Variants in PLCXD3 observed in about 807,000 individuals in gnomAD.
The protein encoded by PLCXD3 is phosphatidylinositol specific phospholipase C X domain containing 3, also known as PI-PLC X domain-containing protein 3.
In PLCXD3, 19 loss-of-function variants were observed where a neutral mutation model predicts 25.5. The ratio of observed to expected loss-of-function variants is 0.75; its 90% CI spans 0.52 to 1.09. PLCXD3 has a LOEUF of 1.09. Among genes scored for constraint, PLCXD3 ranks in the 50% least tolerant of loss-of-function variants. The pLI is 0.00. For missense variants in PLCXD3, 411 were observed against 388.1 expected, an observed-to-expected ratio of 1.06 and a Z score of -0.50; for synonymous variants, 174 against 137.6, an observed-to-expected ratio of 1.26 and a Z score of -1.85.
Position 41,382,120 on chromosome 5 carries a change from G to A in PLCXD3, c.518C>T (p.Ala173Val), listed in dbSNP as rs747906820. The A allele has an allele frequency of 3.1e-6, 5 of 1,613,646 alleles. No individual in the cohort carries two copies. The highest frequency in any genetic ancestry group is 1.3e-5 in the African/African-American group (1 of 74,960). The change falls in exon 2 of 3, where the codon GCG (alanine) becomes GTG (valine). Residue 173 changes from alanine to valine, a missense_variant. Physicochemically the swap from Ala to Val is moderately conservative, Grantham distance 64. Coordinates refer to ENST00000377801, the MANE Select transcript of PLCXD3 (RefSeq NM_001005473.3). ...KDIYGNKMCP[A>V]IFAQEVSLKY... ...TAAACTAACTTCCTGGGCAAAAATC[G>A]CTGGGCACATTTTATTTCCATAGAT...
At chr5:41,460,602 G>A (rs928304740) in intron 1 of PLCXD3, among the ~76,000 whole-genome samples, 44 of 151,934 alleles carry the variant, frequency 2.9e-4, no homozygotes, top group African/African-American at 1.0e-3. Context: ...TGGTGAGCAG[G>A]AAATTAAGTG....
chr5:41,429,486 A>G (rs1314651394), intron 1 of PLCXD3, among the ~76,000 whole-genome samples: 1 of 152,162 alleles, frequency 6.6e-6, no homozygotes, highest in African/African-American at 2.4e-5. Context: ...AGTTGCAAAG[A>G]TTGATTAAAC....
intron 1 of PLCXD3, among the ~76,000 whole-genome samples, chr5:41,433,324 C>T (rs1747161716): frequency 6.6e-6 from 1 of 152,206 alleles, no homozygotes; most frequent in African/African-American, 2.4e-5. Context: ...GTTCCTAGTG[C>T]TCATAATGTG....
At chr5:41,413,664 T>C (rs1746619182) in intron 1 of PLCXD3, among the ~76,000 whole-genome samples, 1 of 152,170 alleles carries the variant, frequency 6.6e-6, no homozygotes, top group African/African-American at 2.4e-5. Flanking sequence ...TTCTTGGTCA[T>C]AAAAGTGTTT....
intron 1 of PLCXD3, among the ~76,000 whole-genome samples, chr5:41,495,765 TC>T (rs1268561649): frequency 6.6e-6 from 1 of 152,202 alleles, no homozygotes; most frequent in Non-Finnish European, 1.5e-5. Context: ...TGAATGCCTT[TC>T]CCTTTACAAA....
At chr5:41,499,361 T>C (rs1561291592) in intron 1 of PLCXD3, among the ~76,000 whole-genome samples, 2 of 151,610 alleles carry the variant, frequency 1.3e-5, no homozygotes, top group South Asian at 2.1e-4. Context: ...AAATGAGCAG[T>C]CTGAAAAGAA....
chr5:41,417,504 T>C (rs1746721549), intron 1 of PLCXD3, among the ~76,000 whole-genome samples: 1 of 152,182 alleles, frequency 6.6e-6, no homozygotes, highest in Non-Finnish European at 1.5e-5. Flanking sequence ...GGCAAGAAGA[T>C]AGACCCTGTT....
chr5:41,453,927 G>A (rs1281355193), intron 1 of PLCXD3, among the ~76,000 whole-genome samples: 1 of 151,832 alleles, frequency 6.6e-6, no homozygotes, highest in Non-Finnish European at 1.5e-5. Flanking sequence ...TGACTTTTAG[G>A]CTTCTATATT....
intron 1 of PLCXD3, among the ~76,000 whole-genome samples, chr5:41,506,293 T>C (rs581905): frequency 0.89 from 134,756 of 152,264 alleles, 60,087 homozygotes; most frequent in Non-Finnish European, 0.91. Context: ...GTCGAGGATT[T>C]GATTCATCAA....
At chr5:41,476,420 C>A (rs1748284988) in intron 1 of PLCXD3, among the ~76,000 whole-genome samples, 1 of 152,202 alleles carries the variant, frequency 6.6e-6, no homozygotes, top group South Asian at 2.1e-4. Context: ...TCTTAACCAT[C>A]TAGGTGTCTA....
At chr5:41,408,651 T>C (rs1352667242) in intron 1 of PLCXD3, among the ~76,000 whole-genome samples, 7 of 152,204 alleles carry the variant, frequency 4.6e-5, no homozygotes, top group African/African-American at 1.2e-4. Flanking sequence ...TATTTAGTTA[T>C]TAATACTCAT....
intron 2 of PLCXD3, among the ~76,000 whole-genome samples, chr5:41,358,508 T>C (rs992633660): frequency 6.6e-6 from 1 of 152,200 alleles, no homozygotes; most frequent in Admixed American, 6.5e-5. Flanking sequence ...CTTATGCCTT[T>C]GCATCCTCAT....
chr5:41,381,882 T>A lies in PLCXD3; in HGVS notation c.756A>T (p.Lys252Asn). The stretch of plus-strand genomic sequence containing the variant: ...CCACCCCTTTGACCACAGTGCTAGC[T>A]TTGGGGGTCAGCACCACCTGAGATA... ...FFISQVVLTP[K>N]ASTVVKGVAS... Residue 252 changes from lysine to asparagine, a missense_variant, in exon 2 of 3, where the codon AAA (lysine) becomes AAT (asparagine). Coordinates refer to ENST00000377801, the MANE Select transcript of PLCXD3 (RefSeq NM_001005473.3). 6.2e-7 allele frequency: 1 copy of A among 1,613,178 alleles called. No homozygotes were observed. The highest frequency in any genetic ancestry group is 8.5e-7 in the Non-Finnish European group (1 of 1,179,656).
intron 1 of PLCXD3, among the ~76,000 whole-genome samples, chr5:41,433,985 T>C (rs1177611627): frequency 6.6e-6 from 1 of 152,050 alleles, no homozygotes; most frequent in Admixed American, 6.5e-5. Flanking sequence ...TGGGAGCCAA[T>C]GGGATGGAGA....
chr5:41,499,027 T>G (rs1748896640), intron 1 of PLCXD3, among the ~76,000 whole-genome samples: 1 of 151,554 alleles, frequency 6.6e-6, no homozygotes, highest in Non-Finnish European at 1.5e-5. Context: ...AAGCCACATA[T>G]GACAAGCCCA....
In PLCXD3 at chr5:41,325,005, C is replaced by T. The variant is rs866172942; in HGVS notation, c.813-11235G>A. On this transcript the variant is annotated intron_variant, in intron 2 of 2. Transcript: ENST00000377801. The stretch of plus-strand genomic sequence containing the variant: ...CTCAGAACCTTGATTATCACAGAAA[C>T]AGCTCCTTAGATGCCGTCTGTTACT... Among the ~76,000 whole-genome samples, 3 of 152,180 alleles carry T rather than the reference C, an allele frequency of 2.0e-5. No individual in the cohort carries two copies. In the South Asian group the frequency reaches 6.2e-4, roughly 32 times the overall value.
At chr5:41,475,603 C>T (rs781514710) in intron 1 of PLCXD3, 1 of 534,664 alleles carries the variant, frequency 1.9e-6, no homozygotes, top group South Asian at 1.4e-5. Flanking sequence ...CAGGTCCCTT[C>T]AGGTCTCTTC....
chr5:41,491,089 T>G (rs753486439), intron 1 of PLCXD3, among the ~76,000 whole-genome samples: 88 of 152,366 alleles, frequency 5.8e-4, no homozygotes, highest in Admixed American at 1.1e-3. Flanking sequence ...TAAATTTCCC[T>G]CTACACACTG....
chr5:41,377,939 C>A (rs1374147556), intron 2 of PLCXD3, among the ~76,000 whole-genome samples: 2 of 152,070 alleles, frequency 1.3e-5, no homozygotes, highest in East Asian at 1.9e-4. Flanking sequence ...AGGCCCAGAG[C>A]AGTCTTATAA....
Sources: allele counts gnomAD v4.1 joint callset (sites outside exome capture counted in the v4.1 genomes callset), GRCh38; gene constraint gnomAD v4.1.1; transcripts MANE v1.5; gene names NCBI Gene and HGNC (gene_info 2026-07-23, HGNC 2026-07-21).